The following ADGRG6 variants were observed in gnomAD, a reference collection of about 807,000 sequenced individuals.
The protein encoded by ADGRG6 is G-protein coupled receptor 126.
A neutral mutation model predicts 142.4 loss-of-function variants in ADGRG6; 84 were observed. The observed-to-expected ratio is 0.59, with a 90% CI of 0.49 to 0.71. The LOEUF is 0.71. Among genes scored for constraint, ADGRG6 ranks in the 30% least tolerant of loss-of-function variants. The probability of loss-of-function intolerance (pLI) is 0.00; values close to 1 mark genes in which losing one functional copy is unlikely to be tolerated. For synonymous variants in ADGRG6, 521 were observed against 520.5 expected (o/e 1.00, Z -0.01); for missense variants, 1,367 against 1,466.6 (o/e 0.93, Z 1.11).
chr6:142,367,514 T>C, intron 2 of ADGRG6, 55 bp from the exon 3 acceptor site: 1 of 1,271,468 alleles, frequency 7.9e-7, no homozygotes, highest in South Asian at 1.3e-5. Context: ...TCTCGGTTTA[T>C]TGCATGCATC....
intron 3 of ADGRG6, among the ~76,000 whole-genome samples, chr6:142,368,496 T>G (rs1404369094): frequency 2.0e-5 from 3 of 152,106 alleles, no homozygotes; most frequent in Non-Finnish European, 4.4e-5. Context: ...AAAACCTGTG[T>G]TTCCCTAAAG....
chr6:142,398,113 T>C (rs893991797), intron 10 of ADGRG6, among the ~76,000 whole-genome samples: 7 of 152,180 alleles, frequency 4.6e-5, no homozygotes, highest in East Asian at 1.9e-4. Flanking sequence ...ATAAATCTTA[T>C]AGAAGGAGAT....
rs189554928 is a variant in ADGRG6, at chr6:142,446,100, G to A, written c.*2585G>A. On this transcript the variant is annotated 3_prime_UTR_variant, in exon 25 of 25. Coordinates refer to ENST00000367609, the MANE Select transcript of ADGRG6 (RefSeq NM_198569.3). ...TGTATATATTTTTTCTAAATACTTTGTGAAATCATTTTTGGTAGCAATATC... is the reference window on the plus strand; with the variant it reads ...TGTATATATTTTTTCTAAATACTTTATGAAATCATTTTTGGTAGCAATATC... 28 of 152,568 alleles carry A rather than the reference G, an allele frequency of 1.8e-4. No individual in the cohort carries two copies. The highest frequency in any genetic ancestry group is 6.7e-4 in the African/African-American group (28 of 41,512). The allele number at this position is 152,568 out of a possible 1,614,324, so 9.5% of individuals were successfully genotyped here.
chr6:142,341,126 T>C (rs1030052505), intron 2 of ADGRG6, among the ~76,000 whole-genome samples: 4 of 151,454 alleles, frequency 2.6e-5, no homozygotes, highest in Non-Finnish European at 4.4e-5. Context: ...AGCCTAGAGT[T>C]GACTTCTGAA....
intron 2 of ADGRG6, among the ~76,000 whole-genome samples, chr6:142,323,450 T>G (rs79750442): frequency 0.043 from 6,570 of 152,144 alleles, 305 homozygotes; most frequent in African/African-American, 0.12. Context: ...TAGCGGATAT[T>G]TTGCTATACA....
intron 6 of ADGRG6, among the ~76,000 whole-genome samples, chr6:142,385,599 A>C (rs1425440390): frequency 6.6e-6 from 1 of 152,194 alleles, no homozygotes; most frequent in East Asian, 1.9e-4. Flanking sequence ...GTTATAACAC[A>C]GTTGTAAAAA....
rs80178808 is a variant in ADGRG6 at position 142,377,001 on chromosome 6, A to T, written c.1070-4950A>T. On this transcript the variant is annotated intron_variant, in intron 4 of 24. Transcript: ENST00000367609. ...ATATAGTGACTCCTTTCAGTAGCATAATTTGGAAAGTACAACAGATAGAGA... is the reference window on the plus strand; with the variant it reads ...ATATAGTGACTCCTTTCAGTAGCATTATTTGGAAAGTACAACAGATAGAGA... 8.4e-3 allele frequency among the ~76,000 whole-genome samples: 1,278 copies of T among 152,304 alleles called. 16 individuals are homozygous for T. The highest frequency in any genetic ancestry group is 0.029 in the African/African-American group (1,205 of 41,560).
chr6:142,429,960 A>C (rs1206046722), intron 22 of ADGRG6, among the ~76,000 whole-genome samples: 5 of 152,170 alleles, frequency 3.3e-5, no homozygotes, highest in African/African-American at 1.2e-4. Context: ...CTGAGGCAAA[A>C]CGATTGCTTG....
intron 17 of ADGRG6, among the ~76,000 whole-genome samples, chr6:142,410,624 C>A (rs1486937473): frequency 6.6e-6 from 1 of 152,022 alleles, no homozygotes; most frequent in East Asian, 1.9e-4. Context: ...AGGGCAAAAA[C>A]TTCTTTTTTT....
Position 142,438,324 on chromosome 6 carries a change from A to C in ADGRG6, c.3534A>C (p.Lys1178Asn), listed in dbSNP as rs1267885534. 4 of 1,610,330 alleles carry C rather than the reference A, an allele frequency of 2.5e-6. No individual in the cohort carries two copies. The highest frequency in any genetic ancestry group is 3.4e-6 in the Non-Finnish European group (4 of 1,177,976). The change falls in exon 24 of 25, where the codon AAA (lysine) becomes AAC (asparagine). Residue 1178 changes from lysine (K) to asparagine (N), a missense_variant. By Grantham distance (94) the Lys-to-Asn change is moderately conservative. Transcript: ENST00000367609. ...CAACCTATCTTACATCCAAATCTAA[A>C]TCCAGCTCTACCACCTATTTCAAAA... ...SNSTYLTSKS[K>N]SSSTTYFKRN...
chr6:142,381,927 C>T (rs1298602002), intron 4 of ADGRG6, 24 bp from the exon 5 acceptor site: 4 of 1,465,036 alleles, frequency 2.7e-6, no homozygotes, highest in Non-Finnish European at 3.8e-6. Flanking sequence ...ATCAAACTTA[C>T]ATATTCTTTT....
chr6:142,407,170 TAA>T (rs11414768), intron 15 of ADGRG6, among the ~76,000 whole-genome samples: 35 of 120,978 alleles, frequency 2.9e-4, no homozygotes, highest in Middle Eastern at 4.2e-3. Context: ...CCCGTCTCTT[TAA>T]AAAAAAAAAA....
At chr6:142,308,021 T>C (rs1777587860) in intron 1 of ADGRG6, among the ~76,000 whole-genome samples, 1 of 152,022 alleles carries the variant, frequency 6.6e-6, no homozygotes, top group African/African-American at 2.4e-5. Context: ...ACAAAGTCAA[T>C]TGATTGGTGT....
rs142873877 is a variant in ADGRG6 at position 142,417,681 on chromosome 6, G to A, written c.3035+312G>A. 5.3e-5 allele frequency among the ~76,000 whole-genome samples: 8 copies of A among 152,212 alleles called. No individual in the cohort carries two copies. In the East Asian group the frequency reaches 5.8e-4, roughly 11 times the overall value. On this transcript the variant is annotated intron_variant, in intron 21 of 24. Transcript: ENST00000367609. ...CTCTCACCTCCTCAAACCCACCCAC[G>A]TCTTCAAGAGAGTTAAATAGCAGTA...
chr6:142,339,491 G>A (rs1265614142), intron 2 of ADGRG6, among the ~76,000 whole-genome samples: 1 of 152,170 alleles, frequency 6.6e-6, no homozygotes, highest in Non-Finnish European at 1.5e-5. Context: ...AATGAGTACT[G>A]ATGCAAACTT....
intron 1 of ADGRG6, among the ~76,000 whole-genome samples, chr6:142,308,994 A>G (rs1266324389): frequency 6.6e-6 from 1 of 151,886 alleles, no homozygotes; most frequent in African/African-American, 2.4e-5. Flanking sequence ...GCTATTTTAT[A>G]TATAAAGACT....
chr6:142,339,111 A>G (rs1779494646), intron 2 of ADGRG6, among the ~76,000 whole-genome samples: 1 of 152,216 alleles, frequency 6.6e-6, no homozygotes, highest in Admixed American at 6.5e-5. Context: ...TCAGGTGTTA[A>G]CTTAAATATT....
In ADGRG6 at chr6:142,415,838, G is replaced by C; in HGVS notation, c.2712G>C (p.Leu904=). Reference sequence around the variant, plus strand: ...ATCCCTCCAAAATCTTGATGAACCTGAGCACAGCCCTGCTGTTCCTGAATC... The same window carrying C: ...ATCCCTCCAAAATCTTGATGAACCTCAGCACAGCCCTGCTGTTCCTGAATC... ...RDYPSKILMN[L]STALLFLNLL... The change falls in exon 20 of 25, where the codon CTG becomes CTC. Residue 904 remains leucine (L), a synonymous_variant. Transcript: ENST00000367609. 1 of 1,612,208 alleles carries C rather than the reference G, an allele frequency of 6.2e-7. No individual in the cohort carries two copies. Among genetic ancestry groups the C allele is most frequent in the Admixed American group, 1.7e-5 (1 of 59,908 alleles).
chr6:142,402,737 A>G lies in ADGRG6; in HGVS notation c.1862A>G (p.Glu621Gly). ...GTCAAAAGAATTGTGAATAAAGAAG[A>G]AAACATTGATATAACACTTGGCTCA... ...EQVKRIVNKE[E>G]NIDITLGSTL... The change falls in exon 13 of 25, where the codon GAA becomes GGA. Residue 621 changes from glutamate to glycine, a missense_variant. This residue lies in a region of ADGRG6 where 737 missense variants were observed against 746.5 expected (regional missense o/e 0.99). Coordinates refer to ENST00000367609, the MANE Select transcript of ADGRG6 (RefSeq NM_198569.3). 1 of 1,600,282 alleles carries G rather than the reference A, an allele frequency of 6.2e-7. No homozygotes were observed. Among genetic ancestry groups the G allele is most frequent in the Non-Finnish European group, 8.6e-7 (1 of 1,167,944 alleles).
Sources: gnomAD v4.1 joint callset for allele counts (sites outside exome capture counted in the v4.1 genomes callset) on GRCh38, gnomAD v4.1.1 for gene constraint, gnomAD v4.1.1 regional missense constraint, MANE v1.5 for transcripts, NCBI Gene and HGNC (gene_info 2026-07-23, HGNC 2026-07-21) for gene names.